The following RNGTT variants were observed in gnomAD, a reference collection of about 807,000 sequenced individuals.
The protein encoded by RNGTT is mRNA-capping enzyme.
RNGTT carries 33 observed loss-of-function variants against 79.3 expected under a neutral mutation model. The ratio of observed to expected loss-of-function variants is 0.42; its 90% confidence interval spans 0.32 to 0.56. RNGTT has a LOEUF of 0.56. Ranked by LOEUF, RNGTT falls within the 20% of genes least tolerant of loss-of-function variation. RNGTT has a pLI of 0.17. For synonymous variants in RNGTT, 222 were observed against 235.9 expected, an observed-to-expected ratio of 0.94 and a Z score of 0.54; for missense variants, 497 against 739.1, an observed-to-expected ratio of 0.67 and a Z score of 3.80.
intron 13 of RNGTT, chr6:88,714,517 A>C (rs1776435015): frequency 8.4e-6 from 1 of 119,454 alleles, no homozygotes; most frequent in Non-Finnish European, 1.6e-5. Flanking sequence ...ATCTCGGCTC[A>C]CTGCAAGCTC....
intron 14 of RNGTT, among the ~76,000 whole-genome samples, chr6:88,617,010 C>T (rs927706138): frequency 6.6e-6 from 1 of 152,192 alleles, no homozygotes; most frequent in Non-Finnish European, 1.5e-5. Flanking sequence ...CAGTGGCTCA[C>T]GCCTGTAATC....
chr6:88,930,034 A>ATATGCATATATACATATACATG (rs1562045767), intron 2 of RNGTT, among the ~76,000 whole-genome samples: 8 of 111,688 alleles, frequency 7.2e-5, no homozygotes, highest in African/African-American at 2.6e-4. Flanking sequence ...ATATATGCAT[A>ATATGCATATATACATATACATG]TATATGCATA....
At chr6:88,812,175 T>G (rs1473846293) in intron 11 of RNGTT, among the ~76,000 whole-genome samples, 2 of 152,238 alleles carry the variant, frequency 1.3e-5, no homozygotes. Flanking sequence ...GTCATTCAAG[T>G]TAGCTAATCA....
At chr6:88,685,992 C>G (rs897412599) in intron 13 of RNGTT, among the ~76,000 whole-genome samples, 20 of 151,164 alleles carry the variant, frequency 1.3e-4, no homozygotes, top group Admixed American at 6.6e-5. Context: ...GGGAAAAAAG[C>G]TCACATTATT....
At chr6:88,844,228 G>T in intron 11 of RNGTT, 129 bp downstream of exon 11, 2 of 826,030 alleles carry the variant, frequency 2.4e-6, no homozygotes, top group Non-Finnish European at 3.7e-6. Flanking sequence ...CCAAAACAGC[G>T]CTATACCCAA....
intron 4 of RNGTT, among the ~76,000 whole-genome samples, chr6:88,918,843 C>T (rs550554380): frequency 7.9e-5 from 12 of 152,234 alleles, no homozygotes; most frequent in South Asian, 2.1e-4. Flanking sequence ...TTTCAACTTT[C>T]GATGTTTCTC....
intron 14 of RNGTT, among the ~76,000 whole-genome samples, chr6:88,628,032 GAGAA>G (rs1772700705): frequency 6.6e-6 from 1 of 152,004 alleles, no homozygotes. Context: ...CTTCTACTTT[GAGAA>G]AGAAATCTTG....
intron 12 of RNGTT, among the ~76,000 whole-genome samples, chr6:88,778,293 T>C (rs1443208329): frequency 6.6e-6 from 1 of 152,074 alleles, no homozygotes; most frequent in Non-Finnish European, 1.5e-5. Context: ...GAAGTAAATA[T>C]GGGCAAAAAA....
At chr6:88,742,544 C>T (rs1030163391) in intron 13 of RNGTT, among the ~76,000 whole-genome samples, 2 of 152,044 alleles carry the variant, frequency 1.3e-5, no homozygotes, top group South Asian at 2.1e-4. Flanking sequence ...GGAAAAGTTG[C>T]GAGACTACGT....
intron 14 of RNGTT, among the ~76,000 whole-genome samples, chr6:88,633,982 T>A (rs539806127): frequency 5.9e-5 from 9 of 152,282 alleles, no homozygotes; most frequent in African/African-American, 2.2e-4. Context: ...TTGCATCATA[T>A]TCATCACATA....
intron 4 of RNGTT, among the ~76,000 whole-genome samples, chr6:88,910,796 G>A (rs1783805805): frequency 6.6e-6 from 1 of 152,172 alleles, no homozygotes; most frequent in South Asian, 2.1e-4. Context: ...AGACTTCTCA[G>A]TAGAAATCTT....
Position 88,612,793 on chromosome 6 carries a change from G to A in RNGTT, c.1720C>T (p.Arg574Ter). The A allele has an allele frequency of 1.9e-6, 3 of 1,613,466 alleles. No individual in the cohort carries two copies. The highest frequency in any genetic ancestry group is 1.3e-5 in the African/African-American group (1 of 74,948). ...RCTAASQGQK[R>*]KHHLDPDTEL... ...GTGTCAGGGTCCAGATGATGTTTTC[G>A]CTTCTGTCCTTGAGAAGCTGCAGTA... The change falls in exon 16 of 16, where the codon CGA becomes TGA. Residue 574 changes from arginine to a stop codon, truncating the protein, a stop_gained. Coordinates refer to ENST00000369485, the MANE Select transcript of RNGTT (RefSeq NM_003800.5). LOFTEE classifies it high-confidence loss of function.
intron 14 of RNGTT, among the ~76,000 whole-genome samples, chr6:88,666,971 G>A (rs1774436455): frequency 6.6e-6 from 1 of 152,232 alleles, no homozygotes; most frequent in Admixed American, 6.5e-5. Flanking sequence ...AGGGGGAAAG[G>A]ACATTTAGTA....
At chr6:88,909,026 G>A (rs867163119) in intron 4 of RNGTT, among the ~76,000 whole-genome samples, 2 of 152,162 alleles carry the variant, frequency 1.3e-5, no homozygotes, top group South Asian at 2.1e-4. Flanking sequence ...TAAGCTCTGT[G>A]GCCTGAGCTT....
chr6:88,698,679 A>C (rs1352782700), intron 13 of RNGTT, among the ~76,000 whole-genome samples: 1 of 152,130 alleles, frequency 6.6e-6, no homozygotes, highest in East Asian at 1.9e-4. Context: ...AATAACTTCA[A>C]ATTTAAAAGC....
chr6:88,809,331 G>GA (rs1207431149), intron 11 of RNGTT, among the ~76,000 whole-genome samples: 19 of 150,498 alleles, frequency 1.3e-4, no homozygotes, highest in South Asian at 6.3e-4. Flanking sequence ...TGGACAAATA[G>GA]AAAAAAAAAT....
intron 14 of RNGTT, among the ~76,000 whole-genome samples, chr6:88,626,508 T>C (rs1772638482): frequency 6.6e-6 from 1 of 152,034 alleles, no homozygotes; most frequent in South Asian, 2.1e-4. Context: ...GACAAAGTGA[T>C]ATATGACTGA....
At chr6:88,901,226 C>A (rs1015931812) in intron 6 of RNGTT, among the ~76,000 whole-genome samples, 1 of 151,254 alleles carries the variant, frequency 6.6e-6, no homozygotes, top group East Asian at 1.9e-4. Flanking sequence ...AGATCTGAAA[C>A]AATACTTAAA....
chr6:88,959,251 T>G lies in RNGTT; in HGVS notation c.64+4095A>C, dbSNP rs1785535551. ...GATGAGGGATAAAAGACTACTACAG[T>G]GTACACTCCTTGAGTGACAGGTGCA... On this transcript the variant is annotated intron_variant, in intron 1 of 15. Transcript: ENST00000369485. Among the ~76,000 whole-genome samples, 3 of 152,098 alleles carry G rather than the reference T, an allele frequency of 2.0e-5. No individual in the cohort carries two copies. In the South Asian group the frequency reaches 6.2e-4, roughly 31 times the overall value.
Sources: allele counts gnomAD v4.1 joint callset (sites outside exome capture counted in the v4.1 genomes callset), GRCh38; gene constraint gnomAD v4.1.1; transcripts MANE v1.5; gene names NCBI Gene and HGNC (gene_info 2026-07-23, HGNC 2026-07-21).